XXYLT1: variants seen among roughly 807,000 people sequenced by gnomAD.
XXYLT1 encodes xyloside xylosyltransferase 1.
In XXYLT1, 20 loss-of-function variants were observed where a neutral mutation model predicts 28.9. The ratio of observed to expected loss-of-function variants is 0.69; its 90% CI spans 0.49 to 1.00. The LOEUF is 1.00. Among genes scored for constraint, XXYLT1 ranks in the 50% least tolerant of loss-of-function variants. XXYLT1 has a pLI of 0.00. For synonymous variants in XXYLT1, 257 were observed against 253.8 expected (o/e 1.01, Z -0.12); for missense variants, 542 against 560.1 (o/e 0.97, Z 0.33).
intron 3 of XXYLT1, among the ~76,000 whole-genome samples, chr3:195,134,057 G>A (rs1178355358): frequency 6.6e-6 from 1 of 151,612 alleles, no homozygotes; most frequent in East Asian, 1.9e-4. Context: ...GTAAAAGACA[G>A]ACAGACAGAC....
chr3:195,122,488 C>G (rs974547875), intron 3 of XXYLT1, among the ~76,000 whole-genome samples: 1 of 144,186 alleles, frequency 6.9e-6, no homozygotes, highest in African/African-American at 2.4e-5. Flanking sequence ...ACTCAGTACT[C>G]AGTATCAGTA....
chr3:195,267,781 C>T (rs369932869), intron 1 of XXYLT1, among the ~76,000 whole-genome samples: 4 of 152,088 alleles, frequency 2.6e-5, no homozygotes, highest in South Asian at 2.1e-4. Context: ...ACACCAAAGC[C>T]GAGACCTGAA....
intron 2 of XXYLT1, among the ~76,000 whole-genome samples, chr3:195,203,509 G>A (rs1722941597): frequency 6.6e-6 from 1 of 152,114 alleles, no homozygotes; most frequent in Non-Finnish European, 1.5e-5. Context: ...GCAGTGCAGA[G>A]AAGGAACATG....
chr3:195,235,488 T>C (rs927143497), intron 1 of XXYLT1, among the ~76,000 whole-genome samples: 14 of 152,380 alleles, frequency 9.2e-5, no homozygotes, highest in African/African-American at 3.4e-4. Context: ...AAAGATCACA[T>C]ATCTCTGTTT....
intron 3 of XXYLT1, among the ~76,000 whole-genome samples, chr3:195,102,709 T>C (rs1324533036): frequency 6.6e-6 from 1 of 152,188 alleles, no homozygotes; most frequent in Non-Finnish European, 1.5e-5. Flanking sequence ...TCTCTATTCA[T>C]CTATCAACAG....
chr3:195,179,340 C>CAAAAAAAA (rs1186873074), intron 2 of XXYLT1, among the ~76,000 whole-genome samples: 1 of 80,472 alleles, frequency 1.2e-5, no homozygotes, highest in Non-Finnish European at 2.5e-5. Context: ...GACACCGTCT[C>CAAAAAAAA]AAAAAAAAAA....
At chr3:195,254,869 A>G (rs1560177802) in intron 1 of XXYLT1, among the ~76,000 whole-genome samples, 1 of 152,216 alleles carries the variant, frequency 6.6e-6, no homozygotes. Flanking sequence ...GGCCCCTGCT[A>G]CAGAGAGGAG....
At chr3:195,245,768 C>A (rs1043272422) in intron 1 of XXYLT1, among the ~76,000 whole-genome samples, 1 of 152,170 alleles carries the variant, frequency 6.6e-6, no homozygotes, top group South Asian at 2.1e-4. Flanking sequence ...CTCGCTCAGG[C>A]GGTTCACGGC....
chr3:195,073,519 A>T (rs541429803), intron 3 of XXYLT1, among the ~76,000 whole-genome samples: 1 of 152,204 alleles, frequency 6.6e-6, no homozygotes, highest in African/African-American at 2.4e-5. Flanking sequence ...CTTTGCTCTA[A>T]CTATCTGGAT....
chr3:195,112,892 C>A (rs1055776880), intron 3 of XXYLT1, among the ~76,000 whole-genome samples: 4 of 151,572 alleles, frequency 2.6e-5, no homozygotes, highest in Non-Finnish European at 5.9e-5. Context: ...CGCACATACA[C>A]GCAGCCCCCA....
chr3:195,100,005 A>C (rs972865413), intron 3 of XXYLT1, among the ~76,000 whole-genome samples: 30 of 152,210 alleles, frequency 2.0e-4, no homozygotes, highest in Non-Finnish European at 2.8e-4. Context: ...CTTAAAAAAG[A>C]AGACAGACTA....
chr3:195,153,351 AG>A (rs1439596353), intron 3 of XXYLT1, among the ~76,000 whole-genome samples: 1 of 152,220 alleles, frequency 6.6e-6, no homozygotes, highest in Non-Finnish European at 1.5e-5. Flanking sequence ...AAACGTTACA[AG>A]GCAATTCCCC....
rs558448479 is a variant in XXYLT1, at chr3:195,267,188, G to A, written c.504+3367C>T. On this transcript the variant is annotated intron_variant, in intron 1 of 3. Coordinates refer to ENST00000310380, the MANE Select transcript of XXYLT1 (RefSeq NM_152531.5). The stretch of plus-strand genomic sequence containing the variant: ...ACCTCGGTGTGTGGGCACCAGCCCC[G>A]TGCCAGTTCACTGTGGCCCTGCTCT... Among the ~76,000 whole-genome samples, 15 of 152,346 alleles carry A rather than the reference G, an allele frequency of 9.8e-5. No homozygotes were observed. In the South Asian group the frequency reaches 2.5e-3, roughly 25 times the overall value.
In XXYLT1 at chr3:195,256,889, G is replaced by A. The variant is rs1000080844; in HGVS notation, c.504+13666C>T. Among the ~76,000 whole-genome samples the A allele has an allele frequency of 1.3e-5, 2 of 152,176 alleles. No homozygotes were observed. The highest frequency in any genetic ancestry group is 4.8e-5 in the African/African-American group (2 of 41,446). On this transcript the variant is annotated intron_variant, in intron 1 of 3. Coordinates refer to ENST00000310380, the MANE Select transcript of XXYLT1 (RefSeq NM_152531.5). The surrounding 1 kb of genome is among the most constrained non-coding windows in gnomAD (Gnocchi z 4.2). ...TGCCTGCCAGCCGGGGCTCTAGGCA[G>A]ACCAAGCAACCTTCCCAGGGCTCTC...
chr3:195,114,639 C>T (rs527753497), intron 3 of XXYLT1, among the ~76,000 whole-genome samples: 17 of 152,332 alleles, frequency 1.1e-4, no homozygotes, highest in Middle Eastern at 3.4e-3. Flanking sequence ...CGTTTAATTA[C>T]GAAGACCAGG....
intron 1 of XXYLT1, among the ~76,000 whole-genome samples, chr3:195,236,689 T>C (rs1447888715): frequency 6.6e-6 from 1 of 151,904 alleles, no homozygotes; most frequent in African/African-American, 2.4e-5. Context: ...ACCACAGCTG[T>C]GAATGTGCTG....
chr3:195,118,400 C>T (rs879685726), intron 3 of XXYLT1, among the ~76,000 whole-genome samples: 7 of 152,354 alleles, frequency 4.6e-5, no homozygotes, highest in Admixed American at 6.5e-5. Context: ...CGTGACTACA[C>T]AATGACTGCC....
intron 1 of XXYLT1, among the ~76,000 whole-genome samples, chr3:195,268,236 C>T (rs1474975767): frequency 1.3e-5 from 2 of 151,962 alleles, no homozygotes; most frequent in African/African-American, 4.8e-5. Context: ...TTGAGACCAG[C>T]CTGGCCAACA....
At chr3:195,084,372 C>T (rs1295177297) in intron 3 of XXYLT1, among the ~76,000 whole-genome samples, 3 of 152,050 alleles carry the variant, frequency 2.0e-5, no homozygotes. Flanking sequence ...GGCCCTGGCC[C>T]TAGACCCAAA....
Sources: allele counts gnomAD v4.1 joint callset (sites outside exome capture counted in the v4.1 genomes callset), GRCh38; gene constraint gnomAD v4.1.1; non-coding constraint Gnocchi (gnomAD v3.1); transcripts MANE v1.5; gene names NCBI Gene and HGNC (gene_info 2026-07-23, HGNC 2026-07-21).